Variants in DLG3 observed in about 807,000 individuals in gnomAD.
DLG3 encodes the protein discs large MAGUK scaffold protein 3.
A neutral mutation model predicts 64.1 loss-of-function variants in DLG3; 1 was observed. The observed-to-expected ratio is 0.02, with a 90% CI of 0.01 to 0.07. The LOEUF (loss-of-function observed/expected upper bound fraction) is 0.07, where lower values mean the gene tolerates loss of function less well. DLG3 is among the 10% of genes least tolerant of loss of function. DLG3 has a pLI of 1.00. For synonymous variants in DLG3, 245 were observed against 259.8 expected, an observed-to-expected ratio of 0.94 and a Z score of 0.55; for missense variants, 429 against 669.5, an observed-to-expected ratio of 0.64 and a Z score of 3.96.
intron 9 of DLG3, 116 bp downstream of exon 9, chrX:70,454,432 C>CA (rs777369622): frequency 1.6e-6 from 1 of 610,557 alleles, no homozygotes; most frequent in East Asian, 3.6e-5. Context: ...CTACCTAGAG[C>CA]AGTAACCTCT....
At chrX:70,466,600 G>A (rs1484812334) in intron 9 of DLG3, among the ~76,000 whole-genome samples, 5 of 109,071 alleles carry the variant, frequency 4.6e-5, no homozygotes, top group African/African-American at 1.0e-4. Context: ...CACCACACTC[G>A]GCTGATTTTT....
At chrX:70,461,524 G>C (rs2086800628) in intron 9 of DLG3, among the ~76,000 whole-genome samples, 1 of 109,825 alleles carries the variant, frequency 9.1e-6, no homozygotes, top group South Asian at 3.9e-4. Context: ...TTTGGGCGTA[G>C]ATAATTTTAG....
chrX:70,448,485 G>T, intron 1 of DLG3: 1 of 757,842 alleles, frequency 1.3e-6, no homozygotes, highest in Non-Finnish European at 1.9e-6. Flanking sequence ...GTTCAGAAGG[G>T]GAAGGGTTAT....
chrX:70,502,221 G>A lies in DLG3; in HGVS notation c.2406G>A (p.Glu802=), dbSNP rs1202520482. The change falls in exon 19 of 19, where the codon GAG becomes GAA. Residue 802 remains glutamate, a synonymous_variant. Coordinates refer to ENST00000374360, the MANE Select transcript of DLG3 (RefSeq NM_021120.4). ...EIYNKIKQII[E]DQSGHYIWVP... ...ATAACAAAATCAAACAAATCATTGA[G>A]GACCAGTCTGGGCACTACATTTGGG... 1.7e-6 allele frequency: 2 copies of A among 1,209,001 alleles called. No individual in the cohort carries two copies. Among genetic ancestry groups the A allele is most frequent in the South Asian group, 3.5e-5 (2 of 56,729 alleles).
intron 10 of DLG3, among the ~76,000 whole-genome samples, chrX:70,482,187 A>G (rs1021330709): frequency 8.9e-6 from 1 of 112,392 alleles, no homozygotes; most frequent in East Asian, 2.8e-4. Context: ...TTCCGGATAT[A>G]GTAAATTCGA....
Position 70,445,103 on chromosome X carries a change from G to T in DLG3, c.-99G>T, listed in dbSNP as rs1460807813. 1.3e-5 allele frequency: 9 copies of T among 691,705 alleles called. No individual in the cohort carries two copies. Among genetic ancestry groups the T allele is most frequent in the Non-Finnish European group, 1.9e-5 (9 of 486,005 alleles). 57.0% of individuals were successfully genotyped at this position (691,705 alleles called of 1,213,427 possible). On this transcript the variant is annotated 5_prime_UTR_variant, in exon 1 of 19. Transcript: ENST00000374360. ...TTCTTGGTCCGAGCAGTGTGAGTGTGCCAGGGAGCCCGGCGGCGGCGGCGG... is the reference window on the plus strand; with the variant it reads ...TTCTTGGTCCGAGCAGTGTGAGTGTTCCAGGGAGCCCGGCGGCGGCGGCGG...
intron 1 of DLG3, among the ~76,000 whole-genome samples, chrX:70,446,828 G>A (rs1358772143): frequency 8.9e-6 from 1 of 112,334 alleles, no homozygotes; most frequent in African/African-American, 3.2e-5. Flanking sequence ...TGCTGTCGAG[G>A]GCAGGTGATG....
intron 13 of DLG3, among the ~76,000 whole-genome samples, chrX:70,496,227 A>G (rs2087452056): frequency 8.9e-6 from 1 of 112,252 alleles, no homozygotes; most frequent in African/African-American, 3.2e-5. Flanking sequence ...AATACAGACC[A>G]AAGGCAAAGG....
At chrX:70,472,148 C>G (rs1405982009) in intron 9 of DLG3, among the ~76,000 whole-genome samples, 1 of 111,986 alleles carries the variant, frequency 8.9e-6, no homozygotes, top group Non-Finnish European at 1.9e-5. Flanking sequence ...ACTCTTTGAC[C>G]TTCTTTAAAC....
At chrX:70,477,495 T>C (rs1451257817) in intron 9 of DLG3, among the ~76,000 whole-genome samples, 1 of 111,883 alleles carries the variant, frequency 8.9e-6, no homozygotes, top group Non-Finnish European at 1.9e-5. Flanking sequence ...CCTGCTGTTA[T>C]GCTCTAGGAC....
At chrX:70,495,517 C>A in intron 13 of DLG3, 64 bp downstream of exon 13, 2 of 1,048,511 alleles carry the variant, frequency 1.9e-6, no homozygotes, top group Non-Finnish European at 2.7e-6. Flanking sequence ...GGGGGTGGGG[C>A]TATTGGGGAC....
chrX:70,452,258 C>T lies in DLG3; in HGVS notation c.1145+232C>T, dbSNP rs181718171. The T allele has an allele frequency of 2.1e-4, 228 of 1,068,776 alleles. No homozygotes were observed. In the African/African-American group the frequency reaches 4.0e-3, roughly 19 times the overall value. The allele number at this position is 1,068,776 out of a possible 1,213,427, so 88.1% of individuals were successfully genotyped here. ...TCAGGGGGAGTGCCGAGTGAGTGGC[C>T]CCGGTCCAAAAGTGCAGATAAAGAA... On this transcript the variant is annotated intron_variant, in intron 7 of 18. Transcript: ENST00000374360.
intron 10 of DLG3, among the ~76,000 whole-genome samples, chrX:70,481,312 T>C (rs2087150890): frequency 8.9e-6 from 1 of 112,479 alleles, no homozygotes; most frequent in African/African-American, 3.2e-5. Flanking sequence ...CCTTAAACTA[T>C]TGTCTTGTAT....
chrX:70,454,082 C>A, intron 8 of DLG3, 132 bp from the exon 9 acceptor site: 1 of 556,796 alleles, frequency 1.8e-6, no homozygotes, highest in Non-Finnish European at 2.9e-6. Context: ...GTTTTAGGGG[C>A]AAGGTTGGAA....
intron 9 of DLG3, among the ~76,000 whole-genome samples, chrX:70,462,013 C>A (rs1230800741): frequency 9.3e-6 from 1 of 107,743 alleles, no homozygotes; most frequent in Non-Finnish European, 1.9e-5. Flanking sequence ...AAAAAGAAGC[C>A]CTGACCCCAT....
At chrX:70,477,361 G>A (rs1407798885) in intron 9 of DLG3, among the ~76,000 whole-genome samples, 1 of 112,147 alleles carries the variant, frequency 8.9e-6, no homozygotes, top group African/African-American at 3.2e-5. Context: ...ACACGGTTCT[G>A]CCCATAGCCG....
intron 12 of DLG3, chrX:70,493,326 G>GTTTTTTTTTTT (rs749847726): frequency 1.1e-6 from 1 of 901,613 alleles, no homozygotes; most frequent in Non-Finnish European, 1.5e-6. Flanking sequence ...CCATTGTTCT[G>GTTTTTTTTTTT]TTTTTTTTTT....
intron 2 of DLG3, 126 bp downstream of exon 2, chrX:70,449,089 G>A: frequency 1.3e-6 from 1 of 797,742 alleles, no homozygotes; most frequent in Non-Finnish European, 1.9e-6. Context: ...TGAAACAGCG[G>A]CCCTCAGAGG....
chrX:70,457,413 T>C (rs1336065901), intron 9 of DLG3, among the ~76,000 whole-genome samples: 1 of 111,924 alleles, frequency 8.9e-6, no homozygotes, highest in Non-Finnish European at 1.9e-5. Context: ...ATTTAAAAAA[T>C]AGGTTTGACT....
Sources: gnomAD v4.1 joint callset for allele counts (sites outside exome capture counted in the v4.1 genomes callset) on GRCh38, gnomAD v4.1.1 for gene constraint, MANE v1.5 for transcripts, NCBI Gene and HGNC (gene_info 2026-07-23, HGNC 2026-07-21) for gene names.